The following TRAF3 variants were observed in gnomAD, a reference collection of about 807,000 sequenced individuals.
TRAF3 encodes the protein TNF receptor associated factor 3.
In TRAF3, 13 loss-of-function variants were observed where a neutral mutation model predicts 62.3. The observed-to-expected ratio is 0.21, with a 90% CI of 0.14 to 0.33. The LOEUF (loss-of-function observed/expected upper bound fraction) is 0.33, where lower values mean the gene tolerates loss of function less well. Ranked by LOEUF, TRAF3 falls within the 10% of genes least tolerant of loss-of-function variation. The pLI, the probability that TRAF3 is intolerant of heterozygous loss-of-function variation, is 1.00. For missense variants in TRAF3, 440 were observed against 741.8 expected (o/e 0.59, Z 4.73); for synonymous variants, 269 against 283.4 (o/e 0.95, Z 0.51).
chr14:102,834,606 T>A (rs1388863513), intron 2 of TRAF3, among the ~76,000 whole-genome samples: 2 of 142,598 alleles, frequency 1.4e-5, no homozygotes, highest in Admixed American at 7.5e-5. Context: ...GAGAATGGCG[T>A]GAACCCGGGA....
At chr14:102,784,452 A>T (rs372219563) in intron 1 of TRAF3, among the ~76,000 whole-genome samples, 212 of 152,012 alleles carry the variant, frequency 1.4e-3, no homozygotes, top group African/African-American at 4.9e-3. Flanking sequence ...TGAACTCCTG[A>T]CTTCAGGTGA....
chr14:102,812,020 C>A (rs1351456431), intron 1 of TRAF3, among the ~76,000 whole-genome samples: 1 of 139,570 alleles, frequency 7.2e-6, no homozygotes, highest in Non-Finnish European at 1.5e-5. Context: ...GCTTCAGCCT[C>A]CCAAAACACT....
Position 102,905,504 on chromosome 14 carries a change from T to C in TRAF3, c.1427T>C (p.Val476Ala). 6.2e-7 allele frequency: 1 copy of C among 1,614,214 alleles called. No individual in the cohort carries two copies. The highest frequency in any genetic ancestry group is 1.7e-5 in the Admixed American group (1 of 60,028). ...GKGTHLSLFF[V>A]IMRGEYDALL... ...GGGACGCACTTGTCGCTGTTTTTTG[T>C]CATCATGCGTGGAGAATATGATGCC... Residue 476 changes from valine to alanine, a missense_variant, in exon 12 of 12, where the codon GTC (valine) becomes GCC (alanine). Transcript: ENST00000392745.
intron 1 of TRAF3, among the ~76,000 whole-genome samples, chr14:102,803,094 C>G (rs969763732): frequency 6.6e-6 from 1 of 152,106 alleles, no homozygotes; most frequent in African/African-American, 2.4e-5. Flanking sequence ...ATTACCTCCC[C>G]CCAGGTCCCT....
chr14:102,900,515 A>AT (rs1331388648), intron 10 of TRAF3, among the ~76,000 whole-genome samples: 1 of 152,226 alleles, frequency 6.6e-6, no homozygotes, highest in Non-Finnish European at 1.5e-5. Flanking sequence ...AAAAAAGAAG[A>AT]TAGCATAGGT....
intron 1 of TRAF3, among the ~76,000 whole-genome samples, chr14:102,821,839 C>T (rs778881689): frequency 6.6e-6 from 1 of 152,068 alleles, no homozygotes; most frequent in Non-Finnish European, 1.5e-5. Flanking sequence ...GTCGGGAGTT[C>T]GAGACCAGCC....
intron 6 of TRAF3, among the ~76,000 whole-genome samples, chr14:102,884,409 G>A (rs550732387): frequency 1.3e-5 from 2 of 152,234 alleles, no homozygotes; most frequent in African/African-American, 4.8e-5. Flanking sequence ...CATGAATTTT[G>A]GAGGACATTA....
intron 10 of TRAF3, chr14:102,902,988 GCTGA>G (rs1890378747): frequency 2.0e-6 from 1 of 511,148 alleles, no homozygotes; most frequent in African/African-American, 1.9e-5. Flanking sequence ...GACAAAGCAA[GCTGA>G]CTTAGTGGAG....
intron 6 of TRAF3, among the ~76,000 whole-genome samples, chr14:102,877,216 TC>T (rs1425361065): frequency 3.4e-5 from 5 of 146,980 alleles, no homozygotes; most frequent in African/African-American, 1.0e-4. Context: ...TCATAGATAA[TC>T]CGTTCCACAG....
intron 8 of TRAF3, among the ~76,000 whole-genome samples, chr14:102,890,973 C>T (rs10148367): frequency 0.42 from 64,373 of 152,144 alleles, 18,785 homozygotes; most frequent in African/African-American, 0.83. Flanking sequence ...GGAAAAATAG[C>T]TTATAATAGG....
At chr14:102,889,679 A>T in intron 8 of TRAF3, 45 bp downstream of exon 8, 1 of 1,598,950 alleles carries the variant, frequency 6.3e-7, no homozygotes, top group Admixed American at 1.7e-5. Flanking sequence ...ACATTCTGCC[A>T]TGAGAGAAAG....
rs184803736 is a variant in TRAF3 at position 102,832,363 on chromosome 14, C to T, written c.-18+1891C>T. On this transcript the variant is annotated intron_variant, in intron 2 of 11. Transcript: ENST00000392745. ...TTTCTAAGCCCTGGTCTGCAACCCA[C>T]TCCATTCAGTTAATATTTATCAAGC... Among the ~76,000 whole-genome samples, 509 of 152,306 alleles carry T rather than the reference C, an allele frequency of 3.3e-3. 6 individuals carry two copies. Among genetic ancestry groups the T allele is most frequent in the African/African-American group, 0.012 (490 of 41,562 alleles).
intron 2 of TRAF3, among the ~76,000 whole-genome samples, chr14:102,852,017 T>C (rs989432320): frequency 6.6e-6 from 1 of 151,906 alleles, no homozygotes; most frequent in African/African-American, 2.4e-5. Flanking sequence ...TTTGCACCAC[T>C]GCACTCCAGC....
chr14:102,851,412 C>T (rs1410525687), intron 2 of TRAF3, among the ~76,000 whole-genome samples: 2 of 152,216 alleles, frequency 1.3e-5, no homozygotes, highest in Non-Finnish European at 2.9e-5. Flanking sequence ...CTGTCCACAG[C>T]TCAGTGTGAA....
chr14:102,785,081 A>C (rs1440463710), intron 1 of TRAF3, among the ~76,000 whole-genome samples: 1 of 152,226 alleles, frequency 6.6e-6, no homozygotes, highest in Non-Finnish European at 1.5e-5. Flanking sequence ...ACCACAGCTG[A>C]ATTACAGTGC....
Position 102,815,154 on chromosome 14 carries a change from G to A in TRAF3, c.-156-15180G>A, listed in dbSNP as rs532868992. ...GAGTTTTACTATGTTGCCCGGGCTGGTCTCAAACTGCTGGGCTCAAGCAGT... is the reference window on the plus strand; with the variant it reads ...GAGTTTTACTATGTTGCCCGGGCTGATCTCAAACTGCTGGGCTCAAGCAGT... On this transcript the variant is annotated intron_variant, in intron 1 of 11. Coordinates refer to ENST00000392745, the MANE Select transcript of TRAF3 (RefSeq NM_145725.3). 4.6e-5 allele frequency among the ~76,000 whole-genome samples: 7 copies of A among 152,190 alleles called. No homozygotes were observed. The East Asian group carries it at 9.6e-4, about 21-fold the overall frequency.
At chr14:102,889,057 G>C (rs113758912) in intron 7 of TRAF3, among the ~76,000 whole-genome samples, 2 of 152,200 alleles carry the variant, frequency 1.3e-5, no homozygotes, top group East Asian at 3.8e-4. Flanking sequence ...CTTTTCAGAT[G>C]AAGGAAAAAC....
intron 1 of TRAF3, among the ~76,000 whole-genome samples, chr14:102,797,336 TATATGATGAG>T (rs2139440603): frequency 6.6e-6 from 1 of 152,316 alleles, no homozygotes; most frequent in South Asian, 2.1e-4. Flanking sequence ...CCCAATTCTA[TATATGATGAG>T]GTCTCATCAA....
chr14:102,836,225 C>T (rs1001350311), intron 2 of TRAF3, among the ~76,000 whole-genome samples: 6 of 152,336 alleles, frequency 3.9e-5, no homozygotes, highest in African/African-American at 1.4e-4. Flanking sequence ...CTGTGCCTGG[C>T]TTGTGGATGC....
Sources: gnomAD v4.1 joint callset for allele counts (sites outside exome capture counted in the v4.1 genomes callset) on GRCh38, gnomAD v4.1.1 for gene constraint, MANE v1.5 for transcripts, NCBI Gene and HGNC (gene_info 2026-07-23, HGNC 2026-07-21) for gene names.